PLD5: variants seen among roughly 807,000 people sequenced by gnomAD.
The protein encoded by PLD5 is phospholipase D family member 5, also known as inactive phospholipase D5.
PLD5 carries 36 observed loss-of-function variants against 61.1 expected under a neutral mutation model. That is an observed-to-expected ratio of 0.59 (90% confidence interval 0.45 to 0.78). PLD5 has a LOEUF of 0.78. PLD5 is among the 30% of genes least tolerant of loss of function. PLD5 has a pLI of 0.00. For synonymous variants in PLD5, 243 were observed against 242.8 expected (o/e 1.00, Z -0.01); for missense variants, 515 against 644.4 (o/e 0.80, Z 2.17).
chr1:242,119,255 G>A (rs1173545314), intron 6 of PLD5, among the ~76,000 whole-genome samples: 1 of 151,748 alleles, frequency 6.6e-6, no homozygotes, highest in African/African-American at 2.4e-5. Flanking sequence ...ACAGTTTCAT[G>A]GTTTTAAAAA....
chr1:242,197,012 C>G (rs1668676773), intron 5 of PLD5, among the ~76,000 whole-genome samples: 2 of 152,166 alleles, frequency 1.3e-5, no homozygotes, highest in African/African-American at 4.8e-5. Context: ...GACCCTCCCA[C>G]CTCAGCCTCC....
chr1:242,113,217 G>C (rs993837721), intron 7 of PLD5, among the ~76,000 whole-genome samples: 1 of 151,078 alleles, frequency 6.6e-6, no homozygotes, highest in Non-Finnish European at 1.5e-5. Flanking sequence ...AGCCTCCCGA[G>C]TAGCTGGGAC....
At chr1:242,266,380 C>A (rs965610196) in intron 3 of PLD5, among the ~76,000 whole-genome samples, 2 of 152,108 alleles carry the variant, frequency 1.3e-5, no homozygotes, top group African/African-American at 4.8e-5. Context: ...GAATCCATCT[C>A]AACAAACAAA....
chr1:242,453,403 T>C (rs924824062), intron 1 of PLD5, among the ~76,000 whole-genome samples: 3 of 152,248 alleles, frequency 2.0e-5, no homozygotes, highest in African/African-American at 7.2e-5. Flanking sequence ...ACAAAATGCA[T>C]ATAAGTAATA....
intron 1 of PLD5, among the ~76,000 whole-genome samples, chr1:242,391,222 T>C (rs959933882): frequency 6.6e-6 from 1 of 152,080 alleles, no homozygotes; most frequent in East Asian, 1.9e-4. Context: ...GTGGCTCCTG[T>C]TGTAGTATTT....
rs35243238 is a variant in PLD5 at position 242,257,038 on chromosome 1, TTCTATCTA to T, written c.607+8291_607+8298del. On this transcript the variant is annotated intron_variant, in intron 4 of 9. Transcript: ENST00000536534. ...ATCTATCTATATCTACCTACCTACC[TTCTATCTA>T]TCTATCTATCTATCTATCTATCTAT... Among the ~76,000 whole-genome samples, 1,317 of 142,380 alleles carry T rather than the reference TTCTATCTA, an allele frequency of 9.2e-3. 20 individuals carry two copies. Among genetic ancestry groups the T allele is most frequent in the East Asian group, 0.059 (281 of 4,780 alleles). 93.4% of individuals were successfully genotyped at this position (142,380 alleles called of 152,430 possible). A position where few individuals can be genotyped will look rare whatever the true frequency, so the allele number is the denominator to read the frequency against.
intron 5 of PLD5, among the ~76,000 whole-genome samples, chr1:242,217,017 G>A (rs968398939): frequency 4.6e-5 from 7 of 152,184 alleles, no homozygotes; most frequent in Admixed American, 3.9e-4. Context: ...ATACAGCATG[G>A]CTTACTGAAT....
intron 5 of PLD5, among the ~76,000 whole-genome samples, chr1:242,139,518 T>C (rs1327791776): frequency 6.6e-6 from 1 of 152,068 alleles, no homozygotes; most frequent in Non-Finnish European, 1.5e-5. Flanking sequence ...TCGGGGGTGA[T>C]CTCAGTGGTC....
chr1:242,225,269 C>T (rs1315859855), intron 4 of PLD5, among the ~76,000 whole-genome samples: 1 of 151,846 alleles, frequency 6.6e-6, no homozygotes, highest in Admixed American at 6.6e-5. Flanking sequence ...AGTGATATTT[C>T]ATGGTATGGA....
At chr1:242,491,434 A>G (rs901410415) in intron 1 of PLD5, among the ~76,000 whole-genome samples, 2 of 152,240 alleles carry the variant, frequency 1.3e-5, no homozygotes, top group Non-Finnish European at 2.9e-5. Flanking sequence ...GATGCCTTAG[A>G]AAACACCACT....
chr1:242,114,870 G>C (rs915482080), intron 6 of PLD5, among the ~76,000 whole-genome samples: 1 of 151,878 alleles, frequency 6.6e-6, no homozygotes, highest in African/African-American at 2.4e-5. Flanking sequence ...ATATTACAAT[G>C]TAATAATAAT....
intron 4 of PLD5, among the ~76,000 whole-genome samples, chr1:242,259,925 T>C (rs1295188231): frequency 5.9e-5 from 9 of 152,206 alleles, no homozygotes; most frequent in Admixed American, 5.2e-4. Flanking sequence ...GACTAGAATA[T>C]ACAACCAGAG....
chr1:242,427,682 A>G (rs1228711346), intron 1 of PLD5, among the ~76,000 whole-genome samples: 1 of 152,226 alleles, frequency 6.6e-6, no homozygotes, highest in Non-Finnish European at 1.5e-5. Context: ...CAGTCTGTGC[A>G]TCATCTGGAG....
At chr1:242,274,591 A>G (rs1375800532) in intron 3 of PLD5, among the ~76,000 whole-genome samples, 1 of 152,142 alleles carries the variant, frequency 6.6e-6, no homozygotes, top group Non-Finnish European at 1.5e-5. Flanking sequence ...CATCTCTACT[A>G]AAAATACAAA....
At chr1:242,428,230 T>G (rs1448376231) in intron 1 of PLD5, among the ~76,000 whole-genome samples, 1 of 152,210 alleles carries the variant, frequency 6.6e-6, no homozygotes, top group Non-Finnish European at 1.5e-5. Context: ...GAAAATACAC[T>G]TCACTGAAAT....
chr1:242,362,057 G>T (rs1190555205), intron 1 of PLD5, among the ~76,000 whole-genome samples: 1 of 150,358 alleles, frequency 6.7e-6, no homozygotes, highest in African/African-American at 2.5e-5. Flanking sequence ...AGGTAAAAAA[G>T]ATAAATGTAC....
intron 1 of PLD5, among the ~76,000 whole-genome samples, chr1:242,480,841 T>G (rs1461130105): frequency 6.6e-6 from 1 of 152,214 alleles, no homozygotes; most frequent in African/African-American, 2.4e-5. Context: ...TAATGAAGGC[T>G]CTACATAGCA....
chr1:242,488,594 G>A (rs1668039322), intron 1 of PLD5, among the ~76,000 whole-genome samples: 1 of 152,150 alleles, frequency 6.6e-6, no homozygotes, highest in Non-Finnish European at 1.5e-5. Context: ...GGGGAGGAAG[G>A]GATGAACAGG....
chr1:242,525,451 A>G (rs1383444344), upstream of PLD5, among the ~76,000 whole-genome samples: 1 of 152,198 alleles, frequency 6.6e-6, no homozygotes, highest in Non-Finnish European at 1.5e-5. Context: ...CTAGGCCCCT[A>G]GGGTCCAGGC....
Sources: allele counts gnomAD v4.1 joint callset (sites outside exome capture counted in the v4.1 genomes callset), GRCh38; gene constraint gnomAD v4.1.1; transcripts MANE v1.5; gene names NCBI Gene and HGNC (gene_info 2026-07-23, HGNC 2026-07-21).